Variants in BNIP2 observed in about 807,000 individuals in gnomAD.
BNIP2 encodes the protein BCL2/adenovirus E1B 19 kDa protein-interacting protein 2.
A neutral mutation model predicts 43.4 loss-of-function variants in BNIP2; 36 were observed. The ratio of observed to expected loss-of-function variants is 0.83; its 90% CI spans 0.64 to 1.10. The LOEUF is 1.10. BNIP2 is among the 50% of genes least tolerant of loss of function. The pLI is 0.00. For missense variants in BNIP2, 417 were observed against 374.1 expected (o/e 1.11, Z -0.95); for synonymous variants, 146 against 121.0 (o/e 1.21, Z -1.35).
At chr15:59,683,258 A>G (rs987249010) in intron 1 of BNIP2, among the ~76,000 whole-genome samples, 14 of 152,200 alleles carry the variant, frequency 9.2e-5, no homozygotes. Context: ...TAAGAAATCT[A>G]GAGATACTCC....
chr15:59,667,710 C>A (rs111565728), intron 9 of BNIP2, among the ~76,000 whole-genome samples: 2 of 152,284 alleles, frequency 1.3e-5, no homozygotes, highest in South Asian at 2.1e-4. Context: ...AAATTGAGAA[C>A]TTTTAAAAAG....
At chr15:59,675,857 A>G (rs1350646425) in intron 5 of BNIP2, among the ~76,000 whole-genome samples, 1 of 152,202 alleles carries the variant, frequency 6.6e-6, no homozygotes, top group African/African-American at 2.4e-5. Context: ...AAAGTAAACA[A>G]AAGAGTGCAT....
intron 6 of BNIP2, 26 bp downstream of exon 6, chr15:59,672,611 A>T: frequency 6.5e-7 from 1 of 1,538,174 alleles, no homozygotes; most frequent in Non-Finnish European, 9.0e-7. Context: ...ATTCTGTCCA[A>T]ATGTTTTTGT....
intron 9 of BNIP2, among the ~76,000 whole-genome samples, chr15:59,666,613 G>C (rs1892584778): frequency 6.6e-6 from 1 of 152,150 alleles, no homozygotes; most frequent in Non-Finnish European, 1.5e-5. Flanking sequence ...ATTGCAGTTA[G>C]CTGAGACTGG....
chr15:59,673,507 C>G (rs1414391413), intron 5 of BNIP2, among the ~76,000 whole-genome samples: 1 of 152,202 alleles, frequency 6.6e-6, no homozygotes, highest in Non-Finnish European at 1.5e-5. Flanking sequence ...CTCATGCAGC[C>G]TTGAACTTCT....
At chr15:59,677,850 CA>C (rs1190339742) in intron 5 of BNIP2, 60 bp downstream of exon 5, 6,440 of 1,257,704 alleles carry the variant, frequency 5.1e-3, no homozygotes, top group South Asian at 0.011. Context: ...GATATCCTTC[CA>C]AAAAAAAAAG....
intron 1 of BNIP2, among the ~76,000 whole-genome samples, chr15:59,682,779 C>T (rs1426396044): frequency 6.6e-6 from 1 of 151,682 alleles, no homozygotes; most frequent in Non-Finnish European, 1.5e-5. Context: ...TATAGTATCT[C>T]AGGTTATGAT....
chr15:59,666,591 C>T (rs6151575), intron 9 of BNIP2, among the ~76,000 whole-genome samples: 11,058 of 152,122 alleles, frequency 0.073, 692 homozygotes, highest in East Asian at 0.25. Flanking sequence ...CGCTTGAACC[C>T]GGGAGGCAGA....
chr15:59,678,121 G>T, intron 4 of BNIP2, 34 bp from the exon 5 acceptor site: 1 of 1,572,796 alleles, frequency 6.4e-7, no homozygotes, highest in South Asian at 1.2e-5. Context: ...ATCACAAATT[G>T]TTACACAACA....
chr15:59,676,501 C>T (rs1286988174), intron 5 of BNIP2, among the ~76,000 whole-genome samples: 3 of 152,100 alleles, frequency 2.0e-5, no homozygotes, highest in Non-Finnish European at 4.4e-5. Flanking sequence ...ACAGTTTTCA[C>T]TACAAATTCT....
Position 59,659,388 on chromosome 15 carries a change from G to C in BNIP2, c.*4681C>G, listed in dbSNP as rs1398005521. On this transcript the variant is annotated 3_prime_UTR_variant, in exon 10 of 10. Coordinates refer to ENST00000607373, the MANE Select transcript of BNIP2 (RefSeq NM_004330.4). The stretch of plus-strand genomic sequence containing the variant: ...ATCTTAAGAGTAGGAAAATATCACA[G>C]TACATTAATTTTGTCTAAATGACAG... The C allele has an allele frequency of 6.6e-6, 1 of 152,194 alleles. No individual in the cohort carries two copies. The highest frequency in any genetic ancestry group is 2.4e-5 in the African/African-American group (1 of 41,438). 9.4% of individuals were successfully genotyped at this position (152,194 alleles called of 1,614,324 possible). A position where few individuals can be genotyped will look rare whatever the true frequency, so the allele number is the denominator to read the frequency against.
intron 5 of BNIP2, among the ~76,000 whole-genome samples, chr15:59,673,813 C>T (rs561889867): frequency 4.5e-4 from 69 of 152,156 alleles, no homozygotes; most frequent in Admixed American, 8.5e-4. Context: ...TTAGGCCGGG[C>T]GAGGTGGCTC....
chr15:59,687,687 A>T (rs1253290605), intron 1 of BNIP2, among the ~76,000 whole-genome samples: 1 of 152,098 alleles, frequency 6.6e-6, no homozygotes, highest in African/African-American at 2.4e-5. Flanking sequence ...AGATCTGGTT[A>T]CATATACTTT....
intron 2 of BNIP2, among the ~76,000 whole-genome samples, chr15:59,681,449 ATTT>A (rs34488048): frequency 2.2e-5 from 3 of 136,718 alleles, no homozygotes; most frequent in Non-Finnish European, 4.7e-5. Flanking sequence ...GAACCCACAA[ATTT>A]TTTTTTTTTT....
chr15:59,668,256 T>A, intron 9 of BNIP2: 1 of 489,126 alleles, frequency 2.0e-6, no homozygotes, highest in Non-Finnish European at 3.4e-6. Flanking sequence ...AAATATTTAC[T>A]ACATGATGTA....
In BNIP2 at chr15:59,672,672, C is replaced by A. The variant is rs757186206; in HGVS notation, c.540G>T (p.Gln180His). 2 of 1,613,486 alleles carry A rather than the reference C, an allele frequency of 1.2e-6. No individual in the cohort carries two copies. The highest frequency in any genetic ancestry group is 2.7e-5 in the African/African-American group (2 of 74,878). The change falls in exon 6 of 10, where the codon CAG (glutamine) becomes CAT (histidine). Residue 180 changes from glutamine (Q) to histidine (H), a missense_variant. Coordinates refer to ENST00000607373, the MANE Select transcript of BNIP2 (RefSeq NM_004330.4). ...TGTCCATCAGGTATCTATAGTTAGG[C>A]TGACTACTTTCAGGCATGAAACAGA... ...FAVCFMPESS[Q>H]PNYRYLMDNL...
intron 9 of BNIP2, among the ~76,000 whole-genome samples, chr15:59,668,424 T>C (rs1369343771): frequency 6.6e-6 from 1 of 152,244 alleles, no homozygotes; most frequent in African/African-American, 2.4e-5. Flanking sequence ...TGGAAGAATG[T>C]GAATCTGATA....
rs1220494440 is a variant in BNIP2, at chr15:59,678,566, C to A, written c.296-479G>T. On this transcript the variant is annotated intron_variant, in intron 4 of 9. Coordinates refer to ENST00000607373, the MANE Select transcript of BNIP2 (RefSeq NM_004330.4). ...ACTCAATGATCACTTCTCATTTGAT[C>A]AGTTTTATAAAGCAGAAATGTATTT... 4 of 1,098,114 alleles carry A rather than the reference C, an allele frequency of 3.6e-6. No homozygotes were observed. In the South Asian group the frequency reaches 6.7e-5, roughly 19 times the overall value. The allele number at this position is 1,098,114 out of a possible 1,614,324, so 68.0% of individuals were successfully genotyped here.
intron 3 of BNIP2, 78 bp from the exon 4 acceptor site, chr15:59,679,846 T>G (rs1893546259): frequency 8.2e-7 from 1 of 1,219,662 alleles, no homozygotes; most frequent in Non-Finnish European, 1.1e-6. Flanking sequence ...AAATTTTAAC[T>G]ACCCCATTCT....
Sources: allele counts gnomAD v4.1 joint callset (sites outside exome capture counted in the v4.1 genomes callset), GRCh38; gene constraint gnomAD v4.1.1; transcripts MANE v1.5; gene names NCBI Gene and HGNC (gene_info 2026-07-23, HGNC 2026-07-21).